Variants in APBB2 observed in about 807,000 individuals in gnomAD.
The protein encoded by APBB2 is amyloid beta precursor protein binding family B member 2, also known as Fe65-like 1.
A neutral mutation model predicts 82.5 loss-of-function variants in APBB2; 38 were observed. The observed-to-expected ratio is 0.46, with a 90% confidence interval of 0.36 to 0.60. The LOEUF (loss-of-function observed/expected upper bound fraction) is 0.60. APBB2 is among the 20% of genes least tolerant of loss of function. The pLI is 0.00. For synonymous variants in APBB2, 341 were observed against 368.2 expected (o/e 0.93, Z 0.85); for missense variants, 772 against 972.3 (o/e 0.79, Z 2.74).
chr4:40,998,253 A>G (rs562309789), intron 6 of APBB2, among the ~76,000 whole-genome samples: 1 of 152,352 alleles, frequency 6.6e-6, no homozygotes, highest in African/African-American at 2.4e-5. Context: ...TTCATATTGC[A>G]TAATGAAATG....
chr4:40,966,689 C>T (rs1420760276), intron 6 of APBB2, among the ~76,000 whole-genome samples: 1 of 152,182 alleles, frequency 6.6e-6, no homozygotes, highest in East Asian at 1.9e-4. Context: ...GCTGGCATAC[C>T]AGCCCCCTGC....
At chr4:40,905,611 CTTGCAGACTTG>C (rs1167322304) in intron 10 of APBB2, among the ~76,000 whole-genome samples, 1 of 152,202 alleles carries the variant, frequency 6.6e-6, no homozygotes, top group East Asian at 1.9e-4. Flanking sequence ...AGAAAGCGCA[CTTGCAGACTTG>C]CCACGAAGCA....
chr4:40,942,580 T>C (rs1453776883), intron 7 of APBB2, among the ~76,000 whole-genome samples: 1 of 151,998 alleles, frequency 6.6e-6, no homozygotes, highest in Non-Finnish European at 1.5e-5. Context: ...AAATGATGTC[T>C]AGGAAAATAC....
intron 1 of APBB2, among the ~76,000 whole-genome samples, chr4:41,203,277 A>G (rs1561028573): frequency 6.6e-6 from 1 of 152,236 alleles, no homozygotes; most frequent in Non-Finnish European, 1.5e-5. Context: ...TTAAACTGAA[A>G]TAAAATTCAA....
At chr4:41,193,415 A>C (rs1775005841) in intron 1 of APBB2, 2 of 183,222 alleles carry the variant, frequency 1.1e-5, no homozygotes, top group African/African-American at 4.8e-5. Flanking sequence ...GGGATGCATA[A>C]AGCTTAGGTC....
At chr4:40,927,682 A>G (rs984695052) in intron 10 of APBB2, among the ~76,000 whole-genome samples, 4 of 152,120 alleles carry the variant, frequency 2.6e-5, no homozygotes, top group African/African-American at 9.7e-5. Flanking sequence ...GGGTTTCACC[A>G]TGTTGCCCAG....
intron 6 of APBB2, among the ~76,000 whole-genome samples, chr4:41,007,794 TG>T (rs1807186374): frequency 6.6e-6 from 1 of 152,230 alleles, no homozygotes; most frequent in South Asian, 2.1e-4. Flanking sequence ...TTTTACTATG[TG>T]CCACATACCG....
At chr4:40,901,909 ATGTG>A (rs35766512) in intron 10 of APBB2, among the ~76,000 whole-genome samples, 18,783 of 145,386 alleles carry the variant, frequency 0.13, 1,250 homozygotes, top group Middle Eastern at 0.19. Context: ...ATCCAAAATT[ATGTG>A]TGTGTGTGTG....
chr4:40,821,823 G>A (rs754706979), intron 17 of APBB2, 48 bp downstream of exon 17: 1 of 1,602,006 alleles, frequency 6.2e-7, no homozygotes, highest in East Asian at 2.2e-5. Flanking sequence ...GCATATTAGA[G>A]ATGAGCAGAG....
At chr4:41,096,285 A>C (rs1276009247) in intron 3 of APBB2, among the ~76,000 whole-genome samples, 1 of 152,146 alleles carries the variant, frequency 6.6e-6, no homozygotes, top group Non-Finnish European at 1.5e-5. Context: ...TGGAAGGCTG[A>C]CTCAAACATG....
intron 1 of APBB2, among the ~76,000 whole-genome samples, chr4:41,162,697 A>G (rs1364471407): frequency 1.3e-5 from 2 of 152,028 alleles, no homozygotes; most frequent in Non-Finnish European, 2.9e-5. Flanking sequence ...CTACAAAAAA[A>G]TAAACAAAAT....
chr4:41,170,208 T>A (rs1425587558), intron 1 of APBB2, among the ~76,000 whole-genome samples: 3 of 151,550 alleles, frequency 2.0e-5, no homozygotes, highest in Non-Finnish European at 4.4e-5. Flanking sequence ...ATTTAGAAAC[T>A]ATTTCTTTTT....
chr4:41,009,291 T>C (rs1375614984), intron 6 of APBB2, among the ~76,000 whole-genome samples: 1 of 145,290 alleles, frequency 6.9e-6, no homozygotes, highest in African/African-American at 2.9e-5. Context: ...ACCTTTCTTT[T>C]AGAATCAGGG....
At chr4:41,049,861 G>T (rs1365482179) in intron 4 of APBB2, among the ~76,000 whole-genome samples, 1 of 152,118 alleles carries the variant, frequency 6.6e-6, no homozygotes, top group African/African-American at 2.4e-5. Flanking sequence ...GTCCACTCAG[G>T]GTTAAATGGA....
intron 1 of APBB2, among the ~76,000 whole-genome samples, chr4:41,156,380 T>A (rs2154030907): frequency 6.6e-6 from 1 of 152,352 alleles, no homozygotes; most frequent in East Asian, 1.9e-4. Context: ...AGACTTCCTA[T>A]AAACGAAATT....
chr4:41,048,047 A>G (rs1724080293), intron 4 of APBB2, among the ~76,000 whole-genome samples: 1 of 152,236 alleles, frequency 6.6e-6, no homozygotes, highest in Non-Finnish European at 1.5e-5. Context: ...AGAAAATTAT[A>G]GTGAAATCCC....
chr4:40,908,527 A>G (rs1488771308), intron 10 of APBB2, among the ~76,000 whole-genome samples: 1 of 151,882 alleles, frequency 6.6e-6, no homozygotes, highest in Non-Finnish European at 1.5e-5. Flanking sequence ...AATGCCTCTC[A>G]CCCCATACAC....
At chr4:41,100,458 T>C (rs1744969663) in intron 3 of APBB2, among the ~76,000 whole-genome samples, 181 bp downstream of exon 3, 1 of 142,746 alleles carries the variant, frequency 7.0e-6, no homozygotes. Context: ...CTTAATCTCT[T>C]GCAAGTTTTT....
chr4:41,051,675 G>A (rs1402379021), intron 4 of APBB2, among the ~76,000 whole-genome samples: 2 of 152,100 alleles, frequency 1.3e-5, no homozygotes, highest in Admixed American at 6.5e-5. Context: ...CGTCCCGAAG[G>A]CCTACAGTCG....
Sources: allele counts gnomAD v4.1 joint callset (sites outside exome capture counted in the v4.1 genomes callset), GRCh38; gene constraint gnomAD v4.1.1; transcripts MANE v1.5; gene names NCBI Gene and HGNC (gene_info 2026-07-23, HGNC 2026-07-21).